ATL2: variants seen among roughly 807,000 people sequenced by gnomAD.
ATL2 encodes atlastin GTPase 2.
ATL2 carries 31 observed loss-of-function variants against 73.9 expected under a neutral mutation model. That is an observed-to-expected ratio of 0.42 (90% CI 0.32 to 0.57). The LOEUF (loss-of-function observed/expected upper bound fraction) is 0.57, where lower values mean the gene tolerates loss of function less well. Among genes scored for constraint, ATL2 ranks in the 20% least tolerant of loss-of-function variants. The pLI is 0.14. For synonymous variants in ATL2, 291 were observed against 237.5 expected, an observed-to-expected ratio of 1.23 and a Z score of -2.07; for missense variants, 738 against 702.6, an observed-to-expected ratio of 1.05 and a Z score of -0.57.
chr2:38,334,272 G>A (rs562620025), intron 2 of ATL2, among the ~76,000 whole-genome samples: 2 of 151,594 alleles, frequency 1.3e-5, no homozygotes, highest in Admixed American at 6.6e-5. Flanking sequence ...TCAAGCAGTC[G>A]ACTTGCCTCG....
In ATL2 at chr2:38,355,727, T is replaced by C. The variant is rs535677246; in HGVS notation, c.119-12215A>G. On this transcript the variant is annotated intron_variant, in intron 1 of 12. Transcript: ENST00000378954. ...TCTTTTTTTTTTTTTTTTCTTTGAG[T>C]CTCGCTCTGTCACCCAGGCTGGAGT... is the stretch of plus-strand genomic sequence containing the variant. 6.7e-5 allele frequency among the ~76,000 whole-genome samples: 10 copies of C among 149,202 alleles called. No individual in the cohort carries two copies. In the East Asian group the frequency reaches 1.8e-3, roughly 26 times the overall value.
intron 1 of ATL2, among the ~76,000 whole-genome samples, chr2:38,368,202 G>A (rs1417717006): frequency 2.0e-5 from 3 of 151,700 alleles, no homozygotes; most frequent in Non-Finnish European, 4.4e-5. Context: ...CCAAAGTGCT[G>A]GCATTACAGG....
At chr2:38,357,804 T>C (rs1364761867) in intron 1 of ATL2, among the ~76,000 whole-genome samples, 1 of 152,178 alleles carries the variant, frequency 6.6e-6, no homozygotes, top group Non-Finnish European at 1.5e-5. Flanking sequence ...CAAGTTCTAG[T>C]ACATATGCTT....
intron 1 of ATL2, among the ~76,000 whole-genome samples, chr2:38,369,380 G>T (rs1481565677): frequency 6.6e-6 from 1 of 152,156 alleles, no homozygotes; most frequent in African/African-American, 2.4e-5. Context: ...AACTCAGAAG[G>T]TAGAGTGAGC....
chr2:38,355,703 C>G (rs923741865), intron 1 of ATL2, among the ~76,000 whole-genome samples: 1 of 136,890 alleles, frequency 7.3e-6, no homozygotes, highest in Admixed American at 7.3e-5. Flanking sequence ...TTGTTTGGTT[C>G]TTTTTTTTTT....
chr2:38,361,434 A>G (rs1671011974), intron 1 of ATL2, among the ~76,000 whole-genome samples: 1 of 152,132 alleles, frequency 6.6e-6, no homozygotes. Flanking sequence ...TTTAAACACA[A>G]CACAATACTG....
chr2:38,329,423 CAAAAAAAAAAA>C (rs70954711), intron 2 of ATL2, among the ~76,000 whole-genome samples: 5 of 13,672 alleles, frequency 3.7e-4, no homozygotes, highest in Middle Eastern at 0.045. Flanking sequence ...ACTCCATCTC[CAAAAAAAAAAA>C]AAAAAAAAAA....
chr2:38,377,138 C>A lies in ATL2; in HGVS notation c.118+5G>T. 2 of 1,609,584 alleles carry A rather than the reference C, an allele frequency of 1.2e-6. No homozygotes were observed. Among genetic ancestry groups the A allele is most frequent in the Non-Finnish European group, 1.7e-6 (2 of 1,178,898 alleles). On this transcript the variant is annotated splice_donor_5th_base_variant and intron_variant, in intron 1 of 12. Transcript: ENST00000378954. ...CCCCGCGGCCTCTGCCTCGCTGGCC[C>A]GTACCTAGGGAGGTCGTGGACGAGA...
intron 9 of ATL2, among the ~76,000 whole-genome samples, chr2:38,302,560 T>C (rs904813551): frequency 2.0e-5 from 3 of 152,120 alleles, no homozygotes; most frequent in Admixed American, 6.5e-5. Flanking sequence ...CCAGGGATGG[T>C]GGCCACAATG....
intron 2 of ATL2, among the ~76,000 whole-genome samples, chr2:38,334,510 T>G (rs1048267782): frequency 4.6e-5 from 7 of 151,752 alleles, no homozygotes; most frequent in South Asian, 2.1e-4. Flanking sequence ...AAGACCAGCC[T>G]CAACATGGAG....
intron 1 of ATL2, among the ~76,000 whole-genome samples, chr2:38,347,134 A>C (rs759693287): frequency 6.6e-6 from 1 of 152,180 alleles, no homozygotes; most frequent in Non-Finnish European, 1.5e-5. Flanking sequence ...TTAGTTTCCC[A>C]TCATAAGCAG....
chr2:38,301,603 T>A (rs1667195127), intron 9 of ATL2, among the ~76,000 whole-genome samples: 1 of 152,204 alleles, frequency 6.6e-6, no homozygotes, highest in African/African-American at 2.4e-5. Flanking sequence ...TGTGGAATTT[T>A]TGCATTGAAA....
At chr2:38,357,565 T>A (rs1364602034) in intron 1 of ATL2, among the ~76,000 whole-genome samples, 1 of 144,738 alleles carries the variant, frequency 6.9e-6, no homozygotes, top group Non-Finnish European at 1.5e-5. Context: ...GGCAGAAGAA[T>A]CGCTTGAACC....
In ATL2 at chr2:38,309,355, A is replaced by G. The variant is rs1275703394; in HGVS notation, c.1071+24T>C. 3.8e-6 allele frequency: 6 copies of G among 1,582,502 alleles called. No individual in the cohort carries two copies. The African/African-American group carries it at 8.2e-5, about 22-fold the overall frequency. ...AGTCAACTACATTTCTATCTTAGAC[A>G]AAACTGTTTAAGAGCTCACCTACCT... is the stretch of plus-strand genomic sequence containing the variant. On this transcript the variant is annotated intron_variant, in intron 9 of 12. Coordinates refer to ENST00000378954, the MANE Select transcript of ATL2 (RefSeq NM_001135673.4).
At chr2:38,351,882 A>C (rs111448942) in intron 1 of ATL2, among the ~76,000 whole-genome samples, 61,987 of 151,264 alleles carry the variant, frequency 0.41, 15,720 homozygotes, top group African/African-American at 0.73. Flanking sequence ...GAGGCCGAGG[A>C]AGTCAGATCA....
intron 2 of ATL2, among the ~76,000 whole-genome samples, chr2:38,324,171 G>C (rs1000335088): frequency 6.6e-6 from 1 of 152,106 alleles, no homozygotes; most frequent in Admixed American, 6.6e-5. Context: ...TCAGCTACTC[G>C]GGAGGCTGAG....
chr2:38,313,304 A>T (rs1667855644), intron 6 of ATL2, 61 bp from the exon 7 acceptor site: 2 of 1,185,848 alleles, frequency 1.7e-6, no homozygotes, highest in Admixed American at 4.5e-5. Context: ...CGAAAAAATC[A>T]CAACTCTTAA....
chr2:38,365,164 C>A (rs1204337428), intron 1 of ATL2, among the ~76,000 whole-genome samples: 2 of 133,852 alleles, frequency 1.5e-5, no homozygotes, highest in Admixed American at 7.1e-5. Flanking sequence ...CACACACACA[C>A]AAATACACAC....
At chr2:38,320,663 C>A (rs901191828) in intron 2 of ATL2, among the ~76,000 whole-genome samples, 1 of 152,134 alleles carries the variant, frequency 6.6e-6, no homozygotes, top group Non-Finnish European at 1.5e-5. Flanking sequence ...GCCCACATAG[C>A]CTTTACTCAA....
Sources: allele counts gnomAD v4.1 joint callset (sites outside exome capture counted in the v4.1 genomes callset), GRCh38; gene constraint gnomAD v4.1.1; transcripts MANE v1.5; gene names NCBI Gene and HGNC (gene_info 2026-07-23, HGNC 2026-07-21).